The following NRIP1 variants were observed in gnomAD, a reference collection of about 807,000 sequenced individuals.
NRIP1 encodes the protein nuclear receptor interacting protein 1.
In NRIP1, 28 loss-of-function variants were observed where a neutral mutation model predicts 75.0. The ratio of observed to expected loss-of-function variants is 0.37; its 90% CI spans 0.28 to 0.51. The LOEUF (loss-of-function observed/expected upper bound fraction) is 0.51, where lower values mean the gene tolerates loss of function less well. NRIP1 is among the 20% of genes least tolerant of loss of function. NRIP1 has a pLI of 0.92. For missense variants in NRIP1, 1,435 were observed against 1,343.7 expected, an observed-to-expected ratio of 1.07 and a Z score of -1.06; for synonymous variants, 526 against 487.6, an observed-to-expected ratio of 1.08 and a Z score of -1.04.
rs1274607241 is a variant in NRIP1, at chr21:14,966,001, G to A, written c.2192C>T (p.Thr731Ile). 2.5e-6 allele frequency: 4 copies of A among 1,611,964 alleles called. No homozygotes were observed. The highest frequency in any genetic ancestry group is 2.5e-6 in the Non-Finnish European group (3 of 1,179,472). The change falls in exon 4 of 4, where the codon ACT (threonine) becomes ATT (isoleucine). Residue 731 changes from threonine (T) to isoleucine (I), a missense_variant. Transcript: ENST00000318948. ...CTGAGTACTTTCATCTCTTAAGGGAGTTTTCTCTTTTTTTTCACTCTTCCC... is the reference window on the plus strand; with the variant it reads ...CTGAGTACTTTCATCTCTTAAGGGAATTTTCTCTTTTTTTTCACTCTTCCC... ...NKGKSEKKEK[T>I]PLRDESTQEH...
At chr21:14,995,240 CT>C (rs11338717) in intron 3 of NRIP1, among the ~76,000 whole-genome samples, 54,656 of 152,050 alleles carry the variant, frequency 0.36, 12,755 homozygotes, top group African/African-American at 0.65. Context: ...CTGTCATTTG[CT>C]TACCAGTATT....
At chr21:14,993,354 C>CA (rs1293269591) in intron 3 of NRIP1, among the ~76,000 whole-genome samples, 1 of 152,044 alleles carries the variant, frequency 6.6e-6, no homozygotes, top group Non-Finnish European at 1.5e-5. Context: ...TCAACCTCAA[C>CA]AATTTAAATG....
chr21:14,984,928 G>A (rs1044418968), intron 3 of NRIP1, among the ~76,000 whole-genome samples: 3 of 152,150 alleles, frequency 2.0e-5, no homozygotes, highest in African/African-American at 7.2e-5. Flanking sequence ...ATTATTTTTA[G>A]ACATAATGCT....
At chr21:15,021,680 CAA>C (rs1241389273) in intron 2 of NRIP1, among the ~76,000 whole-genome samples, 8 of 151,560 alleles carry the variant, frequency 5.3e-5, no homozygotes, top group African/African-American at 1.7e-4. Context: ...CCAGAGTTTA[CAA>C]AGAGTTTAAA....
chr21:15,031,234 A>C (rs1047406059), intron 2 of NRIP1, among the ~76,000 whole-genome samples: 1 of 143,070 alleles, frequency 7.0e-6, no homozygotes, highest in Non-Finnish European at 1.5e-5. Flanking sequence ...TACACTCTGG[A>C]AGGTGGTTGG....
At chr21:15,047,574 A>G (rs1050236341) in intron 1 of NRIP1, among the ~76,000 whole-genome samples, 5 of 152,080 alleles carry the variant, frequency 3.3e-5, no homozygotes, top group African/African-American at 1.2e-4. Flanking sequence ...AAATTAAAAA[A>G]CCATCAGATC....
intron 2 of NRIP1, among the ~76,000 whole-genome samples, chr21:15,032,640 T>C (rs2088731479): frequency 6.6e-6 from 1 of 152,224 alleles, no homozygotes; most frequent in South Asian, 2.1e-4. Flanking sequence ...TCAATTTAAC[T>C]AAGGACTTTA....
intron 2 of NRIP1, among the ~76,000 whole-genome samples, chr21:15,035,919 A>T (rs962360680): frequency 6.6e-6 from 1 of 152,252 alleles, no homozygotes; most frequent in African/African-American, 2.4e-5. Context: ...TTTAAATAAT[A>T]CAATAATGTT....
At chr21:15,018,113 A>AT (rs1445972580) in intron 2 of NRIP1, among the ~76,000 whole-genome samples, 2 of 152,230 alleles carry the variant, frequency 1.3e-5, no homozygotes, top group Non-Finnish European at 2.9e-5. Flanking sequence ...TGTCTAATGA[A>AT]TAAGAAAATT....
chr21:15,025,317 T>C (rs1057129627), intron 2 of NRIP1, among the ~76,000 whole-genome samples: 9 of 152,106 alleles, frequency 5.9e-5, no homozygotes, highest in African/African-American at 2.2e-4. Flanking sequence ...GGAAATATAA[T>C]TGAAGCCTAT....
chr21:14,979,244 T>C (rs992619685), intron 3 of NRIP1, among the ~76,000 whole-genome samples: 2 of 152,194 alleles, frequency 1.3e-5, no homozygotes, highest in Non-Finnish European at 2.9e-5. Context: ...TTCTATCAGT[T>C]TTCAAGAGCA....
At chr21:14,976,222 T>C (rs574886521) in intron 3 of NRIP1, among the ~76,000 whole-genome samples, 136 of 152,258 alleles carry the variant, frequency 8.9e-4, no homozygotes, top group African/African-American at 3.2e-3. Context: ...AAGTTAAGAT[T>C]TTACTGATCT....
At chr21:15,064,344 G>C (rs1376070004) in intron 1 of NRIP1, among the ~76,000 whole-genome samples, 1 of 152,218 alleles carries the variant, frequency 6.6e-6, no homozygotes, top group Admixed American at 6.5e-5. Flanking sequence ...CCCAGGATCC[G>C]GCTGGACAGC....
intron 2 of NRIP1, among the ~76,000 whole-genome samples, chr21:15,019,466 ATTTCTTTTTTTTTTTT>A (rs2088315996): frequency 4.9e-5 from 4 of 80,840 alleles, no homozygotes; most frequent in African/African-American, 1.8e-4. Flanking sequence ...AAACAACTGC[ATTTCTTTTTTTTTTTT>A]TTTTTTTTTT....
At chr21:14,990,417 T>G (rs1194907474) in intron 3 of NRIP1, among the ~76,000 whole-genome samples, 1 of 152,142 alleles carries the variant, frequency 6.6e-6, no homozygotes, top group East Asian at 1.9e-4. Flanking sequence ...ATGCCCAAGT[T>G]TGGGTCAGAC....
chr21:15,019,131 A>G (rs566653838), intron 2 of NRIP1, among the ~76,000 whole-genome samples: 1 of 148,086 alleles, frequency 6.8e-6, no homozygotes, highest in Non-Finnish European at 1.5e-5. Flanking sequence ...TTAATAATAT[A>G]TTATTATATT....
chr21:15,040,080 GCTGT>G (rs1163632184), intron 2 of NRIP1, among the ~76,000 whole-genome samples: 2 of 152,000 alleles, frequency 1.3e-5, no homozygotes, highest in African/African-American at 2.4e-5. Context: ...CTATAGCTGT[GCTGT>G]CTAATACAGC....
At chr21:15,058,127 G>C (rs987463413) in intron 1 of NRIP1, among the ~76,000 whole-genome samples, 6 of 152,174 alleles carry the variant, frequency 3.9e-5, no homozygotes, top group Non-Finnish European at 7.3e-5. Context: ...TTCAACAGAT[G>C]CTGCCGGGGG....
At chr21:14,979,065 T>C (rs542675109) in intron 3 of NRIP1, among the ~76,000 whole-genome samples, 5 of 152,208 alleles carry the variant, frequency 3.3e-5, no homozygotes, top group Non-Finnish European at 7.3e-5. Flanking sequence ...GTCTATTCAC[T>C]ACCTTCTACT....
Sources: allele counts gnomAD v4.1 joint callset (sites outside exome capture counted in the v4.1 genomes callset), GRCh38; gene constraint gnomAD v4.1.1; transcripts MANE v1.5; gene names NCBI Gene and HGNC (gene_info 2026-07-23, HGNC 2026-07-21).